The following OXR1 variants were observed in gnomAD, a reference collection of about 807,000 sequenced individuals.
OXR1 encodes the protein oxidation resistance protein 1.
Under a neutral mutation model 104.6 loss-of-function variants are expected in OXR1, and 41 were observed. The observed-to-expected ratio is 0.39, with a 90% CI of 0.31 to 0.51. The LOEUF is 0.51. Among genes scored for constraint, OXR1 ranks in the 20% least tolerant of loss-of-function variants. The probability of loss-of-function intolerance (pLI) is 0.77; values close to 1 mark genes in which losing one functional copy is unlikely to be tolerated. For synonymous variants in OXR1, 348 were observed against 348.4 expected (o/e 1.00, Z 0.01); for missense variants, 955 against 1,031.9 (o/e 0.93, Z 1.02).
At chr8:106,505,026 C>T (rs1234547289) in intron 2 of OXR1, among the ~76,000 whole-genome samples, 2 of 152,170 alleles carry the variant, frequency 1.3e-5, no homozygotes, top group African/African-American at 4.8e-5. Context: ...TTCTACCTAA[C>T]CCTATTTCTT....
At chr8:106,404,719 T>TC (rs1818145921) in intron 2 of OXR1, among the ~76,000 whole-genome samples, 1 of 152,102 alleles carries the variant, frequency 6.6e-6, no homozygotes, top group African/African-American at 2.4e-5. Flanking sequence ...GCTTATTTTT[T>TC]TTTTGAGACA....
At chr8:106,695,842 T>C (rs1432842755) in intron 7 of OXR1, among the ~76,000 whole-genome samples, 1 of 152,192 alleles carries the variant, frequency 6.6e-6, no homozygotes, top group East Asian at 1.9e-4. Context: ...CTTTCATTTT[T>C]AGAGCAGTTT....
At chr8:106,558,583 C>G (rs1234118172) in intron 3 of OXR1, among the ~76,000 whole-genome samples, 1 of 152,200 alleles carries the variant, frequency 6.6e-6, no homozygotes, top group Non-Finnish European at 1.5e-5. Context: ...CAATCCTTTT[C>G]CTGTCCAGGT....
intron 2 of OXR1, among the ~76,000 whole-genome samples, chr8:106,368,466 C>G (rs1380128113): frequency 2.0e-5 from 3 of 150,962 alleles, no homozygotes; most frequent in Non-Finnish European, 3.0e-5. Context: ...TATATGTGCA[C>G]AGTTTTCAGG....
chr8:106,425,129 A>T (rs1158014579), intron 2 of OXR1, among the ~76,000 whole-genome samples: 1 of 114,212 alleles, frequency 8.8e-6, no homozygotes, highest in Non-Finnish European at 1.6e-5. Flanking sequence ...TCTCACTCCC[A>T]TCGCCCAGGT....
At chr8:106,636,858 C>T (rs1823184725) in intron 3 of OXR1, among the ~76,000 whole-genome samples, 2 of 152,116 alleles carry the variant, frequency 1.3e-5, no homozygotes, top group African/African-American at 4.8e-5. Flanking sequence ...TGACAGGCTC[C>T]CTATTTATAG....
chr8:106,683,138 ATAT>A, intron 4 of OXR1, 58 bp from the exon 5 acceptor site: 1 of 791,664 alleles, frequency 1.3e-6, no homozygotes, highest in South Asian at 1.6e-5. Context: ...TGCTCATTAA[ATAT>A]TATAGTTTAG....
At chr8:106,535,644 T>A (rs1814456745) in intron 3 of OXR1, among the ~76,000 whole-genome samples, 1 of 152,146 alleles carries the variant, frequency 6.6e-6, no homozygotes, top group African/African-American at 2.4e-5. Flanking sequence ...GAAATTTACA[T>A]CATTTCCTGA....
intron 2 of OXR1, among the ~76,000 whole-genome samples, chr8:106,493,686 T>G (rs926119311): frequency 2.0e-5 from 3 of 152,230 alleles, no homozygotes; most frequent in Non-Finnish European, 4.4e-5. Flanking sequence ...CAAGCCATGC[T>G]TATGTCTTCT....
chr8:106,473,025 T>A (rs545996018), intron 2 of OXR1, among the ~76,000 whole-genome samples: 2 of 151,936 alleles, frequency 1.3e-5, no homozygotes, highest in Non-Finnish European at 2.9e-5. Context: ...TAGTATAAAA[T>A]CTGCCTTTCA....
chr8:106,288,657 T>C (rs564465735), intron 1 of OXR1, among the ~76,000 whole-genome samples: 32 of 146,284 alleles, frequency 2.2e-4, no homozygotes, highest in African/African-American at 7.1e-4. Context: ...ACACACATAC[T>C]CTATCTATAT....
chr8:106,746,155 T>A (rs1784469), intron 16 of OXR1, among the ~76,000 whole-genome samples: 60,033 of 151,988 alleles, frequency 0.39, 12,718 homozygotes, highest in Admixed American at 0.49. Context: ...AAGGGAAATA[T>A]CTCAGTACCT....
intron 2 of OXR1, among the ~76,000 whole-genome samples, chr8:106,419,617 A>G (rs16874579): frequency 0.15 from 22,188 of 152,072 alleles, 1,849 homozygotes; most frequent in South Asian, 0.34. Flanking sequence ...GTTAGAGCCT[A>G]CCAAAGTCCC....
At chr8:106,300,401 G>A (rs1217211478) in intron 1 of OXR1, among the ~76,000 whole-genome samples, 1 of 151,804 alleles carries the variant, frequency 6.6e-6, no homozygotes, top group African/African-American at 2.4e-5. Context: ...ATTCCATTTG[G>A]ATAGAGTGAC....
At chr8:106,709,218 T>G (rs564326448) in intron 9 of OXR1, among the ~76,000 whole-genome samples, 1 of 152,328 alleles carries the variant, frequency 6.6e-6, no homozygotes, top group East Asian at 1.9e-4. Context: ...TCATATGTGT[T>G]AATTTGTTAT....
intron 2 of OXR1, among the ~76,000 whole-genome samples, chr8:106,406,594 C>A (rs1252534412): frequency 6.6e-6 from 1 of 151,978 alleles, no homozygotes; most frequent in Non-Finnish European, 1.5e-5. Context: ...GAAGCTAATC[C>A]AAAAAGGCTA....
chr8:106,386,976 T>A (rs1156749022), intron 2 of OXR1, among the ~76,000 whole-genome samples: 2 of 152,120 alleles, frequency 1.3e-5, no homozygotes, highest in Non-Finnish European at 2.9e-5. Context: ...GGAGAAATAG[T>A]GATGAAGCTG....
chr8:106,463,292 G>A (rs369739916), intron 2 of OXR1, among the ~76,000 whole-genome samples: 17 of 152,008 alleles, frequency 1.1e-4, no homozygotes, highest in South Asian at 1.0e-3. Context: ...AATGGGAGGG[G>A]GGTTTATTGA....
At chr8:106,390,711 T>C (rs1372158655) in intron 2 of OXR1, among the ~76,000 whole-genome samples, 1 of 152,218 alleles carries the variant, frequency 6.6e-6, no homozygotes, top group Non-Finnish European at 1.5e-5. Context: ...TTTTAGTTAC[T>C]GAAAAACAGA....
Sources: allele counts gnomAD v4.1 joint callset (sites outside exome capture counted in the v4.1 genomes callset), GRCh38; gene constraint gnomAD v4.1.1; transcripts MANE v1.5; gene names NCBI Gene and HGNC (gene_info 2026-07-23, HGNC 2026-07-21).